FBXO11: variants seen among roughly 807,000 people sequenced by gnomAD.
FBXO11 encodes the protein F-box only protein 11.
Under a neutral mutation model 117.0 loss-of-function variants are expected in FBXO11, and 13 were observed. The observed-to-expected ratio is 0.11, with a 90% CI of 0.07 to 0.18. The LOEUF (loss-of-function observed/expected upper bound fraction) is 0.18, where lower values mean the gene tolerates loss of function less well. Ranked by LOEUF, FBXO11 falls within the 10% of genes least tolerant of loss-of-function variation. The pLI, the probability that FBXO11 is intolerant of heterozygous loss-of-function variation, is 1.00. For missense variants in FBXO11, 767 were observed against 1,164.4 expected (o/e 0.66, Z 4.97); for synonymous variants, 490 against 380.5 (o/e 1.29, Z -3.35).
intron 1 of FBXO11, among the ~76,000 whole-genome samples, chr2:47,855,276 C>A (rs915372817): frequency 1.3e-5 from 2 of 151,766 alleles, no homozygotes; most frequent in South Asian, 2.1e-4. Flanking sequence ...TCACAGCTCA[C>A]TGCAGCCTCG....
chr2:47,866,377 G>C (rs1466790949), intron 1 of FBXO11, among the ~76,000 whole-genome samples: 1 of 151,714 alleles, frequency 6.6e-6, no homozygotes, highest in East Asian at 1.9e-4. Flanking sequence ...ACAAAATGAG[G>C]GTGCTGTGTT....
At chr2:47,872,292 C>T (rs935747897) in intron 1 of FBXO11, among the ~76,000 whole-genome samples, 3 of 152,116 alleles carry the variant, frequency 2.0e-5, no homozygotes, top group African/African-American at 4.8e-5. Flanking sequence ...GGATGGCTTT[C>T]GGAAAGTATT....
intron 11 of FBXO11, among the ~76,000 whole-genome samples, chr2:47,825,480 C>T (rs1005155715): frequency 1.3e-5 from 2 of 151,522 alleles, no homozygotes; most frequent in Non-Finnish European, 2.9e-5. Context: ...CAGATGTTTT[C>T]ACCCATGAGG....
At chr2:47,829,274 T>C (rs1317519349) in intron 11 of FBXO11, among the ~76,000 whole-genome samples, 1 of 152,092 alleles carries the variant, frequency 6.6e-6, no homozygotes, top group Non-Finnish European at 1.5e-5. Context: ...AGAGTCTTGC[T>C]CTGTCGCCCA....
At chr2:47,843,904 C>A (rs971428752) in intron 1 of FBXO11, among the ~76,000 whole-genome samples, 8 of 152,044 alleles carry the variant, frequency 5.3e-5, no homozygotes, top group Admixed American at 2.6e-4. Flanking sequence ...CTACGCCCGG[C>A]TAATTTTTGT....
chr2:47,885,256 C>CA (rs1239420732), intron 1 of FBXO11, among the ~76,000 whole-genome samples: 16 of 151,726 alleles, frequency 1.1e-4, no homozygotes, highest in South Asian at 4.2e-4. Flanking sequence ...ACTACAGTGT[C>CA]AAAAAAAAGA....
intron 1 of FBXO11, among the ~76,000 whole-genome samples, chr2:47,853,075 A>AT (rs747774373): frequency 0.037 from 5,427 of 146,914 alleles, 295 homozygotes; most frequent in African/African-American, 0.12. Context: ...AATTTGAAGA[A>AT]TTTTTTTTTT....
chr2:47,867,523 A>G (rs897398803), intron 1 of FBXO11, among the ~76,000 whole-genome samples: 1 of 152,216 alleles, frequency 6.6e-6, no homozygotes, highest in Non-Finnish European at 1.5e-5. Context: ...AATAATTACT[A>G]AGCAGTATAA....
intron 1 of FBXO11, among the ~76,000 whole-genome samples, chr2:47,904,718 C>T (rs1360057094): frequency 1.3e-5 from 2 of 151,872 alleles, no homozygotes; most frequent in Non-Finnish European, 2.9e-5. Context: ...TCGGGGAGGA[C>T]AGGCGAGGGG....
rs1675589783 is a variant in FBXO11, at chr2:47,871,063, G to C, written c.233-31294C>G. 3.3e-5 allele frequency among the ~76,000 whole-genome samples: 5 copies of C among 152,252 alleles called. No homozygotes were observed. The South Asian group carries it at 1.0e-3, about 32-fold the overall frequency. On this transcript the variant is annotated intron_variant, in intron 1 of 22. Transcript: ENST00000403359. ...TTGATACTCCTCTTCCTTGAGTATTGATACTCCTCCCCTTAAGTATTGGTT... is the reference window on the plus strand; with the variant it reads ...TTGATACTCCTCTTCCTTGAGTATTCATACTCCTCCCCTTAAGTATTGGTT...
At chr2:47,835,229 C>T (rs1672462135) in intron 5 of FBXO11, among the ~76,000 whole-genome samples, 1 of 152,190 alleles carries the variant, frequency 6.6e-6, no homozygotes, top group African/African-American at 2.4e-5. Flanking sequence ...TGTCTCCCGA[C>T]ATCGCCAAAT....
At chr2:47,898,560 T>TA (rs1305594198) in intron 1 of FBXO11, among the ~76,000 whole-genome samples, 1 of 152,224 alleles carries the variant, frequency 6.6e-6, no homozygotes, top group African/African-American at 2.4e-5. Flanking sequence ...CTTCTTTGTA[T>TA]AATGAGTGCT....
intron 1 of FBXO11, among the ~76,000 whole-genome samples, chr2:47,903,372 T>C (rs948272963): frequency 8.5e-5 from 13 of 152,162 alleles, no homozygotes; most frequent in African/African-American, 1.9e-4. Flanking sequence ...TACAGTAAAT[T>C]TCATTTACCA....
intron 11 of FBXO11, among the ~76,000 whole-genome samples, chr2:47,826,690 AT>A (rs139448335): frequency 2.6e-5 from 4 of 151,914 alleles, no homozygotes; most frequent in Non-Finnish European, 5.9e-5. Context: ...AATTTTTTGG[AT>A]TTTTTTCTCC....
At chr2:47,874,526 AC>A (rs1327555657) in intron 1 of FBXO11, among the ~76,000 whole-genome samples, 3 of 152,070 alleles carry the variant, frequency 2.0e-5, no homozygotes, top group African/African-American at 7.2e-5. Flanking sequence ...CAAACACCGT[AC>A]AAAATTTAAA....
At chr2:47,831,782 A>G (rs1408919882) in intron 11 of FBXO11, among the ~76,000 whole-genome samples, 1 of 152,236 alleles carries the variant, frequency 6.6e-6, no homozygotes, top group Non-Finnish European at 1.5e-5. Context: ...AGTATATTCC[A>G]TAAGGATGCC....
chr2:47,821,486 T>A, intron 13 of FBXO11, among the ~76,000 whole-genome samples: 1 of 152,040 alleles, frequency 6.6e-6, no homozygotes, highest in East Asian at 1.9e-4. Flanking sequence ...GGCGGGCGCC[T>A]GTAGTCCCAG....
chr2:47,864,631 T>C (rs879940801), intron 1 of FBXO11, among the ~76,000 whole-genome samples: 1 of 152,104 alleles, frequency 6.6e-6, no homozygotes, highest in Non-Finnish European at 1.5e-5. Flanking sequence ...TAAATAATGG[T>C]AAATAAGAGA....
At position 47,904,877 on chromosome 2, in the gene FBXO11, C is replaced by T. The variant is rs185979386; in HGVS notation, c.232+612G>A. On this transcript the variant is annotated intron_variant, in intron 1 of 22. Transcript: ENST00000403359. ...CTAAAGACAAACTGCGCAGCAAACA[C>T]TGTGGGGTTGGGAGAGGAGTCGCTG... 6.6e-5 allele frequency among the ~76,000 whole-genome samples: 10 copies of T among 152,136 alleles called. No individual in the cohort carries two copies. The East Asian group carries it at 1.9e-3, about 30-fold the overall frequency.
Sources: allele counts gnomAD v4.1 joint callset (sites outside exome capture counted in the v4.1 genomes callset), GRCh38; gene constraint gnomAD v4.1.1; transcripts MANE v1.5; gene names NCBI Gene and HGNC (gene_info 2026-07-23, HGNC 2026-07-21).